The following PRKAR2A variants were observed in gnomAD, a reference collection of about 807,000 sequenced individuals.
PRKAR2A encodes the protein cAMP-dependent protein kinase type II-alpha regulatory subunit.
In PRKAR2A, 29 loss-of-function variants were observed where a neutral mutation model predicts 51.9. That is an observed-to-expected ratio of 0.56 (90% CI 0.42 to 0.76). PRKAR2A has a LOEUF of 0.76. Among genes scored for constraint, PRKAR2A ranks in the 30% least tolerant of loss-of-function variants. The pLI is 0.00. For synonymous variants in PRKAR2A, 178 were observed against 186.2 expected, an observed-to-expected ratio of 0.96 and a Z score of 0.36; for missense variants, 445 against 512.1, an observed-to-expected ratio of 0.87 and a Z score of 1.26.
intron 8 of PRKAR2A, among the ~76,000 whole-genome samples, chr3:48,764,678 G>T (rs184565531): frequency 6.6e-6 from 1 of 152,144 alleles, no homozygotes; most frequent in Non-Finnish European, 1.5e-5. Context: ...CAGGCTGGAG[G>T]CAGTGGCGCA....
chr3:48,795,342 T>C (rs2082474415), intron 2 of PRKAR2A, among the ~76,000 whole-genome samples: 2 of 151,882 alleles, frequency 1.3e-5, no homozygotes, highest in African/African-American at 2.4e-5. Context: ...TTTTAAAAAT[T>C]AGATAGATAA....
At chr3:48,843,564 C>G (rs1239573686) in intron 1 of PRKAR2A, among the ~76,000 whole-genome samples, 1 of 152,150 alleles carries the variant, frequency 6.6e-6, no homozygotes, top group Non-Finnish European at 1.5e-5. Context: ...CTGGAGGCAT[C>G]ATGCTACCTG....
intron 8 of PRKAR2A, among the ~76,000 whole-genome samples, chr3:48,757,345 A>G (rs2081788455): frequency 1.3e-5 from 2 of 152,106 alleles, no homozygotes; most frequent in Admixed American, 6.6e-5. Context: ...CTGTATAACC[A>G]CCTCCTAGAT....
Position 48,799,883 on chromosome 3 carries a change from A to G in PRKAR2A, c.299-5834T>C, listed in dbSNP as rs573760912. 3.3e-5 allele frequency among the ~76,000 whole-genome samples: 5 copies of G among 151,952 alleles called. No individual in the cohort carries two copies. In the South Asian group the frequency reaches 1.0e-3, roughly 31 times the overall value. On this transcript the variant is annotated intron_variant, in intron 2 of 10. Coordinates refer to ENST00000265563, the MANE Select transcript of PRKAR2A (RefSeq NM_004157.4). ...TTTTATTTGTTTTGTTTTTTGAGAC[A>G]GAGTCTCACTCTGTTGCCCAGGCTG...
At chr3:48,758,878 C>A (rs954938173) in intron 8 of PRKAR2A, among the ~76,000 whole-genome samples, 4 of 152,224 alleles carry the variant, frequency 2.6e-5, no homozygotes, top group South Asian at 2.1e-4. Context: ...CTTTCCCTAG[C>A]AGGTAGCGTG....
At chr3:48,774,180 C>T (rs1305160096) in intron 5 of PRKAR2A, among the ~76,000 whole-genome samples, 1 of 151,820 alleles carries the variant, frequency 6.6e-6, no homozygotes, top group Non-Finnish European at 1.5e-5. Flanking sequence ...TAATTTATGG[C>T]GTACATGTGA....
At chr3:48,785,123 C>T (rs1169434439) in intron 4 of PRKAR2A, among the ~76,000 whole-genome samples, 1 of 145,378 alleles carries the variant, frequency 6.9e-6, no homozygotes, top group African/African-American at 2.5e-5. Context: ...GACAGTCTCA[C>T]TTTGTCACCC....
chr3:48,847,354 C>G lies in PRKAR2A; in HGVS notation c.243G>C (p.Glu81Asp). The G allele has an allele frequency of 6.2e-7, 1 of 1,613,616 alleles. No individual in the cohort carries two copies. Among genetic ancestry groups the G allele is most frequent in the Non-Finnish European group, 8.5e-7 (1 of 1,179,720 alleles). The change falls in exon 1 of 11, where the codon GAG (glutamate) becomes GAC (aspartate). Residue 81 changes from glutamate (E) to aspartate (D), a missense_variant. Coordinates refer to ENST00000265563, the MANE Select transcript of PRKAR2A (RefSeq NM_004157.4). This position sits in a 1 kb window ranked among gnomAD's most constrained non-coding sequence, Gnocchi z 4.4. ...GCCTACCTTCCAAGTCCTCGTCCTCCTCCGACTCGCTGTCCCCTTTGGCGT... is the reference window on the plus strand; with the variant it reads ...GCCTACCTTCCAAGTCCTCGTCCTCGTCCGACTCGCTGTCCCCTTTGGCGT... ...VADAKGDSES[E>D]EDEDLEVPVP... is the part of the protein sequence containing the mutation.
intron 1 of PRKAR2A, among the ~76,000 whole-genome samples, chr3:48,829,314 T>G: frequency 6.7e-6 from 1 of 149,176 alleles, no homozygotes. Flanking sequence ...AGGTCAGGAG[T>G]TCGAGGCCAG....
At chr3:48,830,257 G>A (rs1159694830) in intron 1 of PRKAR2A, among the ~76,000 whole-genome samples, 1 of 151,508 alleles carries the variant, frequency 6.6e-6, no homozygotes, top group East Asian at 1.9e-4. Context: ...GTCCTATACA[G>A]GGTCAGGACC....
intron 1 of PRKAR2A, among the ~76,000 whole-genome samples, chr3:48,839,773 G>C (rs546856477): frequency 6.6e-6 from 1 of 152,116 alleles, no homozygotes; most frequent in Non-Finnish European, 1.5e-5. Context: ...ATTGGCTCTG[G>C]AGTTGAAACA....
At chr3:48,828,752 T>C in intron 1 of PRKAR2A, among the ~76,000 whole-genome samples, 1 of 151,226 alleles carries the variant, frequency 6.6e-6, no homozygotes, top group East Asian at 1.9e-4. Context: ...AATTGATTTA[T>C]ATTCTTATCC....
At chr3:48,785,649 G>A (rs901586374) in intron 4 of PRKAR2A, among the ~76,000 whole-genome samples, 4 of 152,010 alleles carry the variant, frequency 2.6e-5, no homozygotes, top group South Asian at 2.1e-4. Flanking sequence ...CACCTGCCTC[G>A]GCTTCCCAAA....
At chr3:48,756,528 C>T in intron 8 of PRKAR2A, 84 bp from the exon 9 acceptor site, 1 of 973,940 alleles carries the variant, frequency 1.0e-6, no homozygotes, top group Non-Finnish European at 1.6e-6. Context: ...ACTGCTTAAG[C>T]TCTGATTTGT....
chr3:48,777,700 A>T (rs376943466), intron 5 of PRKAR2A, among the ~76,000 whole-genome samples: 7 of 151,952 alleles, frequency 4.6e-5, no homozygotes, highest in African/African-American at 1.7e-4. Context: ...GCACCGCGCC[A>T]GGCCTTTTAT....
chr3:48,829,872 T>TATA (rs1491401730), intron 1 of PRKAR2A, among the ~76,000 whole-genome samples: 2,374 of 59,536 alleles, frequency 0.04, 47 homozygotes, highest in South Asian at 0.096. Context: ...TATATATATA[T>TATA]TTTTTTTTTT....
At chr3:48,794,120 G>T (rs2082447979) in intron 2 of PRKAR2A, 71 bp from the exon 3 acceptor site, 2 of 1,178,238 alleles carry the variant, frequency 1.7e-6, no homozygotes, top group Non-Finnish European at 2.4e-6. Context: ...AATAGGAAGT[G>T]AACTCAATTT....
At chr3:48,788,408 C>T (rs1469569512) in intron 4 of PRKAR2A, among the ~76,000 whole-genome samples, 2 of 152,108 alleles carry the variant, frequency 1.3e-5, no homozygotes, top group African/African-American at 4.8e-5. Context: ...AAATGATCTG[C>T]CTGCCTCAGT....
chr3:48,822,262 C>A (rs148299402), intron 1 of PRKAR2A, among the ~76,000 whole-genome samples: 1 of 151,310 alleles, frequency 6.6e-6, no homozygotes, highest in Non-Finnish European at 1.5e-5. Context: ...CCTGGCACTG[C>A]CTCAGACCAG....
Sources: gnomAD v4.1 joint callset for allele counts (sites outside exome capture counted in the v4.1 genomes callset) on GRCh38, gnomAD v4.1.1 for gene constraint, Gnocchi (gnomAD v3.1) non-coding constraint, MANE v1.5 for transcripts, NCBI Gene and HGNC (gene_info 2026-07-23, HGNC 2026-07-21) for gene names.